The following CACNA2D3 variants were observed in gnomAD, a reference collection of about 807,000 sequenced individuals.
CACNA2D3 encodes the protein voltage-dependent calcium channel subunit alpha-2/delta-3.
In CACNA2D3, 60 loss-of-function variants were observed where a neutral mutation model predicts 160.6. The observed-to-expected ratio is 0.37, with a 90% confidence interval of 0.30 to 0.46. The LOEUF is 0.46. Among genes scored for constraint, CACNA2D3 ranks in the 20% least tolerant of loss-of-function variants. The pLI is 1.00. For synonymous variants in CACNA2D3, 558 were observed against 492.9 expected (o/e 1.13, Z -1.75); for missense variants, 1,205 against 1,365.0 (o/e 0.88, Z 1.85).
intron 4 of CACNA2D3, among the ~76,000 whole-genome samples, chr3:54,464,777 C>T (rs1362049760): frequency 5.3e-5 from 8 of 152,212 alleles, no homozygotes; most frequent in East Asian, 1.9e-4. Context: ...GTGCGCTGCA[C>T]GCACTGTCCT....
chr3:54,229,631 G>A (rs1024596210), intron 2 of CACNA2D3, among the ~76,000 whole-genome samples: 4 of 152,218 alleles, frequency 2.6e-5, no homozygotes, highest in South Asian at 4.1e-4. Flanking sequence ...CACCATGCCC[G>A]GCCTAAAGTT....
chr3:54,647,829 G>A (rs1387726781), intron 11 of CACNA2D3, among the ~76,000 whole-genome samples: 1 of 152,208 alleles, frequency 6.6e-6, no homozygotes, highest in Non-Finnish European at 1.5e-5. Flanking sequence ...TCCCTTGCCA[G>A]TATTTCATTT....
intron 5 of CACNA2D3, among the ~76,000 whole-genome samples, chr3:54,540,551 T>C (rs1310403835): frequency 6.6e-6 from 1 of 152,164 alleles, no homozygotes; most frequent in Non-Finnish European, 1.5e-5. Context: ...CATTGTTCCA[T>C]AGTATGCATT....
intron 13 of CACNA2D3, among the ~76,000 whole-genome samples, chr3:54,799,096 G>A (rs1255946641): frequency 1.3e-5 from 2 of 152,144 alleles, no homozygotes; most frequent in Admixed American, 1.3e-4. Context: ...TGAGCTGTCT[G>A]TTCTAATCCT....
At chr3:54,616,180 T>C (rs1698845687) in intron 9 of CACNA2D3, among the ~76,000 whole-genome samples, 1 of 152,190 alleles carries the variant, frequency 6.6e-6, no homozygotes, top group African/African-American at 2.4e-5. Context: ...AGGAGTAGCC[T>C]GACTGGGTTG....
intron 20 of CACNA2D3, among the ~76,000 whole-genome samples, chr3:54,880,132 G>A (rs140552783): frequency 5.9e-4 from 90 of 152,318 alleles, no homozygotes; most frequent in African/African-American, 2.1e-3. Context: ...AAGGATCATG[G>A]GTGGATTCCA....
At chr3:54,954,930 T>A (rs1701844587) in intron 27 of CACNA2D3, among the ~76,000 whole-genome samples, 1 of 152,170 alleles carries the variant, frequency 6.6e-6, no homozygotes, top group Non-Finnish European at 1.5e-5. Flanking sequence ...CACAGTGCAT[T>A]TGCTCATTCA....
At chr3:54,391,721 GGCTGTTCTCGA>G (rs1441570718) in intron 4 of CACNA2D3, among the ~76,000 whole-genome samples, 2 of 152,178 alleles carry the variant, frequency 1.3e-5, no homozygotes, top group African/African-American at 4.8e-5. Context: ...ATGTTGGTTA[GGCTGTTCTCGA>G]GCTCCTGGGC....
Position 54,484,610 on chromosome 3 carries a change from T to A in CACNA2D3, c.382-18882T>A, listed in dbSNP as rs112756082. ...GCAACTGGACCACTGCGATATTAAG[T>A]GTGAGAACATTCTAAATGGCAATAA... On this transcript the variant is annotated intron_variant, in intron 4 of 37. Coordinates refer to ENST00000474759, the MANE Select transcript of CACNA2D3 (RefSeq NM_018398.3). Among the ~76,000 whole-genome samples the A allele has an allele frequency of 3.7e-3, 563 of 152,298 alleles. 2 individuals carry two copies. Among genetic ancestry groups the A allele is most frequent in the African/African-American group, 0.013 (537 of 41,560 alleles).
intron 24 of CACNA2D3, among the ~76,000 whole-genome samples, chr3:54,890,469 C>T (rs1700032821): frequency 7.4e-6 from 1 of 135,778 alleles, no homozygotes; most frequent in Middle Eastern, 4.3e-3. Context: ...GCACTCCAGC[C>T]TGGGTGACAG....
chr3:55,073,516 A>C lies in CACNA2D3; in HGVS notation c.3059A>C (p.Glu1020Ala). 1 of 1,613,868 alleles carries C rather than the reference A, an allele frequency of 6.2e-7. No homozygotes were observed. Among genetic ancestry groups the C allele is most frequent in the Non-Finnish European group, 8.5e-7 (1 of 1,179,848 alleles). Reference protein sequence around the residue: ...MVVVDSSCLCESVAPITMAPI... With the variant: ...MVVVDSSCLCASVAPITMAPI... ...GTGGTGGACAGCAGCTGCCTCTGTGAATCTGTGGCCCCCATCACCATGGCA... is the reference window on the plus strand; with the variant it reads ...GTGGTGGACAGCAGCTGCCTCTGTGCATCTGTGGCCCCCATCACCATGGCA... Residue 1020 changes from glutamate to alanine, a missense_variant, in exon 36 of 38, where the codon GAA becomes GCA. Around this residue, in one of 3 missense-constraint regions of CACNA2D3, gnomAD observed 911 missense variants for 1,002.2 expected, o/e 0.91. Transcript: ENST00000474759.
At chr3:54,543,915 T>C (rs1702022122) in intron 5 of CACNA2D3, among the ~76,000 whole-genome samples, 1 of 152,198 alleles carries the variant, frequency 6.6e-6, no homozygotes, top group Non-Finnish European at 1.5e-5. Flanking sequence ...ATTTGAACCT[T>C]TTTTTCTTGC....
At chr3:54,785,261 T>C (rs913165012) in intron 13 of CACNA2D3, among the ~76,000 whole-genome samples, 2 of 152,212 alleles carry the variant, frequency 1.3e-5, no homozygotes, top group African/African-American at 4.8e-5. Context: ...AAGATGTCCA[T>C]TTTGATTTTT....
intron 11 of CACNA2D3, among the ~76,000 whole-genome samples, chr3:54,752,204 A>G (rs1322065053): frequency 1.3e-5 from 2 of 152,124 alleles, no homozygotes; most frequent in Non-Finnish European, 2.9e-5. Context: ...TTTCAGGGGC[A>G]TTTTTATTCC....
At chr3:54,274,759 C>T (rs6766834) in intron 2 of CACNA2D3, among the ~76,000 whole-genome samples, 42,388 of 152,098 alleles carry the variant, frequency 0.28, 6,432 homozygotes, top group East Asian at 0.42. Flanking sequence ...CATCCAGGCT[C>T]ACGCATGGTC....
intron 2 of CACNA2D3, among the ~76,000 whole-genome samples, chr3:54,222,210 C>G (rs1414311268): frequency 6.6e-6 from 1 of 152,196 alleles, no homozygotes; most frequent in Non-Finnish European, 1.5e-5. Context: ...CTGCAGTAAG[C>G]AAGCTGGGGA....
intron 11 of CACNA2D3, among the ~76,000 whole-genome samples, chr3:54,722,937 C>T (rs2106992223): frequency 1.3e-5 from 2 of 152,340 alleles, no homozygotes; most frequent in South Asian, 4.1e-4. Context: ...GGGAGGTCTG[C>T]TGCTCTCTTC....
intron 14 of CACNA2D3, among the ~76,000 whole-genome samples, chr3:54,826,091 G>A (rs1054646527): frequency 1.3e-5 from 2 of 152,160 alleles, no homozygotes; most frequent in Non-Finnish European, 2.9e-5. Flanking sequence ...TTATTTTAAA[G>A]AAGCAACTGC....
At position 54,773,942 on chromosome 3, in the gene CACNA2D3, G is replaced by A. The variant is rs539195920; in HGVS notation, c.1380+9591G>A. Among the ~76,000 whole-genome samples, 5 of 152,298 alleles carry A rather than the reference G, an allele frequency of 3.3e-5. No individual in the cohort carries two copies. In the South Asian group the frequency reaches 1.0e-3, roughly 32 times the overall value. ...TTCTAGATTTCAGGTGTTTATTGTT[G>A]TTTCTGCTTTTATGGATTAATGATT... On this transcript the variant is annotated intron_variant, in intron 13 of 37. Transcript: ENST00000474759.
Sources: allele counts gnomAD v4.1 joint callset (sites outside exome capture counted in the v4.1 genomes callset), GRCh38; gene constraint gnomAD v4.1.1; regional missense constraint gnomAD v4.1.1; transcripts MANE v1.5; gene names NCBI Gene and HGNC (gene_info 2026-07-23, HGNC 2026-07-21).